The following RANBP17 variants were observed in gnomAD, a reference collection of about 807,000 sequenced individuals.
RANBP17 encodes the protein RAN binding protein 17.
A neutral mutation model predicts 141.2 loss-of-function variants in RANBP17; 158 were observed. That is an observed-to-expected ratio of 1.12 (90% CI 0.98 to 1.28). The LOEUF is 1.28. Ranked by LOEUF, RANBP17 falls within the 50% of genes most tolerant of loss-of-function variation. The probability of loss-of-function intolerance (pLI) is 0.00; values close to 1 mark genes in which losing one functional copy is unlikely to be tolerated. For missense variants in RANBP17, 1,438 were observed against 1,290.7 expected (o/e 1.11, Z -1.75); for synonymous variants, 430 against 450.0 (o/e 0.96, Z 0.56).
chr5:170,883,050 A>G (rs989515746), intron 3 of RANBP17, among the ~76,000 whole-genome samples: 1 of 152,220 alleles, frequency 6.6e-6, no homozygotes, highest in Non-Finnish European at 1.5e-5. Flanking sequence ...AAAATCTCAC[A>G]ATGATACCTT....
intron 25 of RANBP17, among the ~76,000 whole-genome samples, chr5:171,275,936 C>A (rs1561821969): frequency 6.6e-6 from 1 of 152,238 alleles, no homozygotes; most frequent in Admixed American, 6.5e-5. Flanking sequence ...GGCAAGGCAG[C>A]TGGTATATGT....
chr5:171,282,750 G>C (rs1363187625), intron 25 of RANBP17, among the ~76,000 whole-genome samples: 1 of 152,118 alleles, frequency 6.6e-6, no homozygotes, highest in Non-Finnish European at 1.5e-5. Flanking sequence ...AAAGTGCTGG[G>C]ATTACAGGCG....
intron 18 of RANBP17, among the ~76,000 whole-genome samples, chr5:171,186,526 C>CCTTTTTTTTT (rs1554112838): frequency 2.4e-5 from 1 of 41,650 alleles, no homozygotes; most frequent in East Asian, 8.9e-4. Context: ...GTATGATTTT[C>CCTTTTTTTTT]TTTTTTTTTT....
intron 14 of RANBP17, among the ~76,000 whole-genome samples, chr5:170,985,008 G>GACACAT (rs1778032260): frequency 6.7e-6 from 1 of 149,486 alleles, no homozygotes. Flanking sequence ...CAGACACACA[G>GACACAT]ACACATACAC....
Position 171,265,841 on chromosome 5 carries a change from G to A in RANBP17, c.2937G>A (p.Leu979=). 6.2e-7 allele frequency: 1 copy of A among 1,612,644 alleles called. No homozygotes were observed. The highest frequency in any genetic ancestry group is 8.5e-7 in the Non-Finnish European group (1 of 1,179,414). The change falls in exon 25 of 28, where the codon CTG becomes CTA. Residue 979 remains leucine (L), a synonymous_variant. Transcript: ENST00000523189. ...TTATGCAGCAAAACCCAGATGTCCT[G>A]CAGCAGGTAACTGGTGGTTGATCAC... ...LHFMQQNPDV[L]QQMMSVLMNT...
intron 14 of RANBP17, among the ~76,000 whole-genome samples, chr5:171,042,142 A>G (rs1043108208): frequency 6.6e-6 from 1 of 152,164 alleles, no homozygotes; most frequent in Admixed American, 6.6e-5. Context: ...CCAGTCTATC[A>G]TTGATGGGCA....
At chr5:170,873,264 G>C (rs1767904459) in intron 1 of RANBP17, among the ~76,000 whole-genome samples, 1 of 152,180 alleles carries the variant, frequency 6.6e-6, no homozygotes, top group Non-Finnish European at 1.5e-5. Flanking sequence ...TTTTATTGAG[G>C]ATTTTCACAT....
intron 12 of RANBP17, among the ~76,000 whole-genome samples, chr5:170,953,149 T>G (rs930890): frequency 6.6e-6 from 1 of 151,800 alleles, no homozygotes. Context: ...ACTGGTACTA[T>G]CATGACATTG....
At position 171,108,369 on chromosome 5, in the gene RANBP17, A is replaced by C. The variant is rs141909574; in HGVS notation, c.1711-61761A>C. Among the ~76,000 whole-genome samples, 129 of 152,274 alleles carry C rather than the reference A, an allele frequency of 8.5e-4. 3 individuals are homozygous for C. The East Asian group carries it at 0.024, about 28-fold the overall frequency. ...ACACATAGCATATCAACATACTTTA[A>C]AAATAAGTCTAAAAAATTAAAGTTC... On this transcript the variant is annotated intron_variant, in intron 14 of 27. Coordinates refer to ENST00000523189, the MANE Select transcript of RANBP17 (RefSeq NM_022897.5).
chr5:171,028,287 C>A (rs1781349027), intron 14 of RANBP17, among the ~76,000 whole-genome samples: 1 of 151,842 alleles, frequency 6.6e-6, no homozygotes, highest in East Asian at 1.9e-4. Flanking sequence ...AGAAAAAAAT[C>A]ATCAGTTTTG....
At chr5:171,120,248 G>T (rs1195393899) in intron 14 of RANBP17, among the ~76,000 whole-genome samples, 1 of 152,182 alleles carries the variant, frequency 6.6e-6, no homozygotes, top group Non-Finnish European at 1.5e-5. Flanking sequence ...CACTGGAACT[G>T]CTCTGGGTCA....
chr5:170,961,054 C>A (rs1776116195), intron 13 of RANBP17, among the ~76,000 whole-genome samples: 4 of 152,028 alleles, frequency 2.6e-5, no homozygotes, highest in Non-Finnish European at 4.4e-5. Context: ...CCCCCTGCCC[C>A]TTTAGATGGC....
intron 8 of RANBP17, among the ~76,000 whole-genome samples, chr5:170,916,074 A>AATGCATTATATTCTATATTGCATTATC (rs1771925166): frequency 2.0e-5 from 3 of 151,104 alleles, no homozygotes; most frequent in African/African-American, 7.3e-5. Flanking sequence ...ATTGCATTAT[A>AATGCATTATATTCTATATTGCATTATC]ATGCATTATA....
chr5:171,182,926 T>G (rs1303792976), intron 16 of RANBP17, among the ~76,000 whole-genome samples: 1 of 152,192 alleles, frequency 6.6e-6, no homozygotes. Context: ...CTTGTCTTAA[T>G]TATAAAATTC....
intron 11 of RANBP17, among the ~76,000 whole-genome samples, chr5:170,920,984 G>T (rs1335861368): frequency 1.3e-5 from 2 of 151,990 alleles, no homozygotes; most frequent in Non-Finnish European, 2.9e-5. Context: ...TAGATTCTGG[G>T]TATTAGCCTT....
chr5:170,944,254 G>A (rs1360727632), intron 12 of RANBP17, among the ~76,000 whole-genome samples: 1 of 152,144 alleles, frequency 6.6e-6, no homozygotes, highest in Non-Finnish European at 1.5e-5. Context: ...TATCAAAATT[G>A]TATTTGACAG....
chr5:171,271,009 G>T (rs1221355757), intron 25 of RANBP17: 1 of 160,744 alleles, frequency 6.2e-6, no homozygotes, highest in Non-Finnish European at 1.3e-5. Flanking sequence ...AAATCCAAAA[G>T]AAATTCTAAT....
chr5:171,274,111 A>AGTGTGTGT (rs372324815), intron 25 of RANBP17, among the ~76,000 whole-genome samples: 250 of 143,194 alleles, frequency 1.7e-3, no homozygotes, highest in East Asian at 6.5e-3. Flanking sequence ...AGTTTGATCA[A>AGTGTGTGT]GTGTGTGTGT....
chr5:170,920,243 A>G (rs536078337), intron 11 of RANBP17, among the ~76,000 whole-genome samples: 2 of 152,204 alleles, frequency 1.3e-5, no homozygotes, highest in South Asian at 2.1e-4. Context: ...CTGCCGAACT[A>G]TTTTCCAAAG....
Sources: allele counts gnomAD v4.1 joint callset (sites outside exome capture counted in the v4.1 genomes callset), GRCh38; gene constraint gnomAD v4.1.1; transcripts MANE v1.5; gene names NCBI Gene and HGNC (gene_info 2026-07-23, HGNC 2026-07-21).